The following NYNRIN variants were observed in gnomAD, a reference collection of about 807,000 sequenced individuals.
NYNRIN encodes the protein protein NYNRIN.
Under a neutral mutation model 146.6 loss-of-function variants are expected in NYNRIN, and 86 were observed. The observed-to-expected ratio is 0.59, with a 90% CI of 0.49 to 0.70. NYNRIN has a LOEUF of 0.70. Among genes scored for constraint, NYNRIN ranks in the 30% least tolerant of loss-of-function variants. NYNRIN has a pLI of 0.00. For missense variants in NYNRIN, 2,191 were observed against 2,377.7 expected, an observed-to-expected ratio of 0.92 and a Z score of 1.63; for synonymous variants, 1,027 against 1,001.3, an observed-to-expected ratio of 1.03 and a Z score of -0.48.
Position 24,408,986 on chromosome 14 carries a change from G to A in NYNRIN, c.1192G>A (p.Gly398Ser). 1 of 1,613,832 alleles carries A rather than the reference G, an allele frequency of 6.2e-7. No individual in the cohort carries two copies. Among genetic ancestry groups the A allele is most frequent in the Non-Finnish European group, 8.5e-7 (1 of 1,179,844 alleles). ...FNFPFWQRPLGPIQLKLPGQN... is the reference protein window; with the variant it reads ...FNFPFWQRPLSPIQLKLPGQN... ...TTTCCCCTTCTGGCAGAGACCTCTG[G>A]GCCCCATTCAGTTGAAGCTGCCAGG... Residue 398 changes from glycine (G) to serine (S), a missense_variant, in exon 4 of 9, where the codon GGC becomes AGC. Gly to Ser is a moderately conservative substitution (Grantham distance 56, BLOSUM62 0). Coordinates refer to ENST00000382554, the MANE Select transcript of NYNRIN (RefSeq NM_025081.3).
chr14:24,415,795 C>T lies in NYNRIN; in HGVS notation c.4046C>T (p.Thr1349Met), dbSNP rs538061448. The T allele has an allele frequency of 1.4e-5, 22 of 1,614,020 alleles. No homozygotes were observed. The highest frequency in any genetic ancestry group is 8.9e-5 in the East Asian group (4 of 44,876). The stretch of plus-strand genomic sequence containing the variant: ...CTTTCCTTCTCCTGCTCCCCTTACA[C>T]GCCAACCTATGCCCACCTGGCAGCC... ...VSLSFSCSPY[T>M]PTYAHLAAVA... is the part of the protein sequence containing the mutation. The change falls in exon 9 of 9, where the codon ACG (threonine) becomes ATG (methionine). Residue 1349 changes from threonine (T) to methionine (M), a missense_variant. Physicochemically the swap from Thr to Met is moderately conservative, Grantham distance 81. Coordinates refer to ENST00000382554, the MANE Select transcript of NYNRIN (RefSeq NM_025081.3).
At chr14:24,410,621 C>T (rs931829781) in intron 4 of NYNRIN, among the ~76,000 whole-genome samples, 8 of 152,206 alleles carry the variant, frequency 5.3e-5, no homozygotes, top group Non-Finnish European at 1.2e-4. Context: ...CTCTGCTGGC[C>T]CTTAGCGATT....
intron 2 of NYNRIN, among the ~76,000 whole-genome samples, chr14:24,401,171 TCTCC>T (rs1030942531): frequency 1.3e-5 from 2 of 152,164 alleles, no homozygotes; most frequent in African/African-American, 4.8e-5. Flanking sequence ...ACCTGCTCCG[TCTCC>T]CTCTGCTGCT....
At chr14:24,400,426 C>G (rs572965067) in intron 2 of NYNRIN, among the ~76,000 whole-genome samples, 1 of 152,354 alleles carries the variant, frequency 6.6e-6, no homozygotes, top group South Asian at 2.1e-4. Flanking sequence ...TTCCCCTTCA[C>G]CACGCACACC....
At position 24,414,718 on chromosome 14, in the gene NYNRIN, A is replaced by G. The variant is rs778420705; in HGVS notation, c.2969A>G (p.Glu990Gly). ...SGPLESLPNM[E>G]EVREEKEERQ... is the part of the protein sequence containing the mutation. ...CCCCTGGAGAGTCTGCCGAATATGG[A>G]AGAAGTCAGGGAAGAGAAGGAGGAG... Residue 990 changes from glutamate (E) to glycine (G), a missense_variant, in exon 9 of 9, where the codon GAA becomes GGA. Around this residue, in one of 3 missense-constraint regions of NYNRIN, gnomAD observed 1,291 missense variants for 1,417.0 expected, o/e 0.91. Coordinates refer to ENST00000382554, the MANE Select transcript of NYNRIN (RefSeq NM_025081.3). 1.2e-6 allele frequency: 2 copies of G among 1,613,616 alleles called. No homozygotes were observed. The highest frequency in any genetic ancestry group is 3.3e-5 in the Admixed American group (2 of 59,954).
intron 2 of NYNRIN, among the ~76,000 whole-genome samples, chr14:24,404,266 T>C (rs754634521): frequency 5.3e-5 from 8 of 152,238 alleles, no homozygotes; most frequent in Non-Finnish European, 1.2e-4. Flanking sequence ...TTCCTTAATT[T>C]TATCTTTGAA....
chr14:24,399,618 C>T (rs2042828376), intron 2 of NYNRIN, among the ~76,000 whole-genome samples, 174 bp downstream of exon 2: 1 of 152,160 alleles, frequency 6.6e-6, no homozygotes. Context: ...AGCCTGCGCT[C>T]CTTCCATGCC....
In NYNRIN at chr14:24,408,848, C is replaced by T. The variant is rs925632200; in HGVS notation, c.1054C>T (p.Pro352Ser). 3.7e-6 allele frequency: 6 copies of T among 1,614,038 alleles called. No homozygotes were observed. The highest frequency in any genetic ancestry group is 5.1e-6 in the Non-Finnish European group (6 of 1,179,880). ...GVCPPWKAWTPGPAFGPLWPG... is the reference protein window; with the variant it reads ...GVCPPWKAWTSGPAFGPLWPG... Reference sequence around the variant, plus strand: ...GTGCCCACCCTGGAAGGCCTGGACCCCGGGGCCAGCCTTTGGGCCATTGTG... The same window carrying T: ...GTGCCCACCCTGGAAGGCCTGGACCTCGGGGCCAGCCTTTGGGCCATTGTG... Residue 352 changes from proline (P) to serine (S), a missense_variant, in exon 4 of 9, where the codon CCG becomes TCG. Pro to Ser is a moderately conservative substitution (Grantham distance 74, BLOSUM62 -1). Around this residue, in one of 3 missense-constraint regions of NYNRIN, gnomAD observed 895 missense variants for 941.2 expected, o/e 0.95. Coordinates refer to ENST00000382554, the MANE Select transcript of NYNRIN (RefSeq NM_025081.3).
At chr14:24,407,768 C>T (rs912260300) in intron 2 of NYNRIN, 101 bp from the exon 3 acceptor site, 1 of 1,118,926 alleles carries the variant, frequency 8.9e-7, no homozygotes. Flanking sequence ...AGTGGTGGGG[C>T]CACATGGTTA....
Position 24,410,001 on chromosome 14 carries a change from A to G in NYNRIN, c.2207A>G (p.Lys736Arg). 2 of 1,613,856 alleles carry G rather than the reference A, an allele frequency of 1.2e-6. No individual in the cohort carries two copies. The highest frequency in any genetic ancestry group is 2.7e-5 in the African/African-American group (2 of 75,062). Residue 736 changes from lysine (K) to arginine (R), a missense_variant, in exon 4 of 9, where the codon AAG becomes AGG. This residue lies in a region of NYNRIN where 895 missense variants were observed against 941.2 expected (regional missense o/e 0.95). Transcript: ENST00000382554. Reference sequence around the variant, plus strand: ...AGTGGCACCTTGGCCCTCAGCAGTAAGCACCAGTTTCAGATGGAGGGGCTC... The same window carrying G: ...AGTGGCACCTTGGCCCTCAGCAGTAGGCACCAGTTTCAGATGGAGGGGCTC... ...QSSGTLALSSKHQFQMEGLLG... is the reference protein window; with the variant it reads ...QSSGTLALSSRHQFQMEGLLG...
At position 24,410,029 on chromosome 14, in the gene NYNRIN, G is replaced by C; in HGVS notation, c.2235G>C (p.Leu745=). Reference sequence around the variant, plus strand: ...ACCAGTTTCAGATGGAGGGGCTCCTGGGGGCTTGGGAGGGGGCCCCAAGGC... The same window carrying C: ...ACCAGTTTCAGATGGAGGGGCTCCTCGGGGCTTGGGAGGGGGCCCCAAGGC... ...SKHQFQMEGL[L]GAWEGAPRQP... The change falls in exon 4 of 9, where the codon CTG becomes CTC. Residue 745 remains leucine, a synonymous_variant. Coordinates refer to ENST00000382554, the MANE Select transcript of NYNRIN (RefSeq NM_025081.3). 2 of 1,613,868 alleles carry C rather than the reference G, an allele frequency of 1.2e-6. No individual in the cohort carries two copies. The highest frequency in any genetic ancestry group is 1.7e-6 in the Non-Finnish European group (2 of 1,179,864).
intron 6 of NYNRIN, 135 bp from the exon 7 acceptor site, chr14:24,412,862 T>G: frequency 1.7e-6 from 1 of 604,724 alleles, no homozygotes; most frequent in Non-Finnish European, 2.9e-6. Context: ...TCGGGGGTCC[T>G]GGATTTCTGA....
At chr14:24,402,208 A>T (rs899031322) in intron 2 of NYNRIN, among the ~76,000 whole-genome samples, 2 of 152,196 alleles carry the variant, frequency 1.3e-5, no homozygotes, top group African/African-American at 4.8e-5. Context: ...ATTAAAGAAC[A>T]CTGAAGACAT....
chr14:24,407,858 A>G lies in NYNRIN; in HGVS notation c.199-11A>G, dbSNP rs77367832. On this transcript the variant is annotated splice_polypyrimidine_tract_variant and intron_variant, in intron 2 of 8. Coordinates refer to ENST00000382554, the MANE Select transcript of NYNRIN (RefSeq NM_025081.3). ...GGGCTGACTTCATTGTGTTCTCCCC[A>G]TTGTGCCCAGGAATACCTGAAGGGC... is the stretch of plus-strand genomic sequence containing the variant. 55,012 of 1,588,916 alleles carry G rather than the reference A, an allele frequency of 0.035. 1,966 individuals are homozygous for G. Among genetic ancestry groups the G allele is most frequent in the East Asian group, 0.23 (10,081 of 44,468 alleles).
At position 24,417,895 on chromosome 14, in the gene NYNRIN, T is replaced by C. The variant is rs72694396; in HGVS notation, c.*449T>C. 21,351 of 199,172 alleles carry C rather than the reference T, an allele frequency of 0.11. 1,362 individuals carry two copies. The highest frequency in any genetic ancestry group is 0.14 in the Non-Finnish European group (13,112 of 96,564). 12.3% of individuals were successfully genotyped at this position (199,172 alleles called of 1,614,324 possible). ...TACAGAAACCCCAAATGTGGGCTCC[T>C]CCCTCCAACCTGTTCTTTTGGGGAC... On this transcript the variant is annotated 3_prime_UTR_variant, in exon 9 of 9. Coordinates refer to ENST00000382554, the MANE Select transcript of NYNRIN (RefSeq NM_025081.3).
At chr14:24,399,484 C>G in intron 2 of NYNRIN, 40 bp downstream of exon 2, 1 of 1,524,266 alleles carries the variant, frequency 6.6e-7, no homozygotes, top group Admixed American at 1.9e-5. Context: ...CTCTTCCAGC[C>G]AGATCACTCT....
Position 24,418,350 on chromosome 14 carries a change from G to C in NYNRIN, c.*904G>C, listed in dbSNP as rs1262339561. ...AGGAGTGGCACACGGTGAAGTGCTG[G>C]CATGGCTCTACCTCCCAACCCCTCC... On this transcript the variant is annotated 3_prime_UTR_variant, in exon 9 of 9. Transcript: ENST00000382554. The C allele has an allele frequency of 4.4e-6, 2 of 451,356 alleles. No individual in the cohort carries two copies. The highest frequency in any genetic ancestry group is 1.4e-4 in the East Asian group (2 of 14,174). 28.0% of individuals were successfully genotyped at this position (451,356 alleles called of 1,614,324 possible).
In NYNRIN at chr14:24,418,099, C is replaced by T; in HGVS notation, c.*653C>T. On this transcript the variant is annotated 3_prime_UTR_variant, in exon 9 of 9. Transcript: ENST00000382554. ...TGTCTTGGAGTGGGAGGATGGCCAG[C>T]CACAAGCCACCAGCTTGTCAGCATG... The T allele has an allele frequency of 5.4e-6, 2 of 367,196 alleles. No individual in the cohort carries two copies. The highest frequency in any genetic ancestry group is 2.0e-5 in the South Asian group (1 of 50,504). The allele number at this position is 367,196 out of a possible 1,614,324, so 22.7% of individuals were successfully genotyped here. A position where few individuals can be genotyped will look rare whatever the true frequency, so the allele number is the denominator to read the frequency against.
chr14:24,418,504 G>A lies in NYNRIN; in HGVS notation c.*1058G>A, dbSNP rs2042963737. Reference sequence around the variant, plus strand: ...CGAGTCCTGTGGACCTGCCTTCTGTGTAGAGCAAAACCCAGGCTCCCTCAC... The same window carrying A: ...CGAGTCCTGTGGACCTGCCTTCTGTATAGAGCAAAACCCAGGCTCCCTCAC... On this transcript the variant is annotated 3_prime_UTR_variant, in exon 9 of 9. Transcript: ENST00000382554. The A allele has an allele frequency of 3.0e-6, 1 of 331,880 alleles. No individual in the cohort carries two copies. The highest frequency in any genetic ancestry group is 5.9e-6 in the Non-Finnish European group (1 of 168,778). 20.6% of individuals were successfully genotyped at this position (331,880 alleles called of 1,614,324 possible).
Sources: gnomAD v4.1 joint callset for allele counts (sites outside exome capture counted in the v4.1 genomes callset) on GRCh38, gnomAD v4.1.1 for gene constraint, gnomAD v4.1.1 regional missense constraint, MANE v1.5 for transcripts, NCBI Gene and HGNC (gene_info 2026-07-23, HGNC 2026-07-21) for gene names.